The following LEP variants were observed in gnomAD, a reference collection of about 807,000 sequenced individuals.
LEP encodes leptin.
A neutral mutation model predicts 9.8 loss-of-function variants in LEP; 6 were observed. The ratio of observed to expected loss-of-function variants is 0.61; its 90% CI spans 0.34 to 1.21. LEP has a LOEUF of 1.21. Among genes scored for constraint, LEP ranks in the 50% most tolerant of loss-of-function variants. The pLI is 0.04. For synonymous variants in LEP, 112 were observed against 81.7 expected (o/e 1.37, Z -2.00); for missense variants, 134 against 198.1 (o/e 0.68, Z 1.94).
intron 1 of LEP, among the ~76,000 whole-genome samples, chr7:128,245,329 C>T (rs1396910995): frequency 6.6e-6 from 1 of 152,208 alleles, no homozygotes; most frequent in Non-Finnish European, 1.5e-5. Context: ...CCCCGGAGTC[C>T]CTCTTCCCCT....
At chr7:128,249,574 T>A (rs1562931275) in intron 1 of LEP, among the ~76,000 whole-genome samples, 1 of 152,224 alleles carries the variant, frequency 6.6e-6, no homozygotes, top group African/African-American at 2.4e-5. Context: ...TGGGAGACTC[T>A]GAGAAGTAAA....
chr7:128,254,309 A>G (rs1029385271), intron 2 of LEP, 95 bp from the exon 3 acceptor site: 15 of 1,535,628 alleles, frequency 9.8e-6, no homozygotes, highest in Non-Finnish European at 1.2e-5. Context: ...GGCAGCCCAG[A>G]GAATGACCCT....
At chr7:128,248,981 A>C (rs758030243) in intron 1 of LEP, among the ~76,000 whole-genome samples, 2 of 152,220 alleles carry the variant, frequency 1.3e-5, no homozygotes, top group African/African-American at 2.4e-5. Flanking sequence ...TGTGGTTTTT[A>C]AGAGTAATGG....
At chr7:128,254,316 C>T (rs1396289002) in intron 2 of LEP, 88 bp from the exon 3 acceptor site, 8 of 1,557,570 alleles carry the variant, frequency 5.1e-6, no homozygotes, top group Admixed American at 1.7e-5. Context: ...CAGAGAATGA[C>T]CCTCCATGCC....
chr7:128,253,135 T>C (rs1429083480), intron 2 of LEP, among the ~76,000 whole-genome samples: 1 of 152,164 alleles, frequency 6.6e-6, no homozygotes, highest in Non-Finnish European at 1.5e-5. Flanking sequence ...AAGTTCCTTG[T>C]GTCCCATTGG....
Position 128,253,917 on chromosome 7 carries a change from G to C in LEP, c.145-487G>C, listed in dbSNP as rs549387574. 4.3e-3 allele frequency among the ~76,000 whole-genome samples: 651 copies of C among 152,252 alleles called. 3 individuals are homozygous for C. The highest frequency in any genetic ancestry group is 6.6e-3 in the Admixed American group (101 of 15,286). On this transcript the variant is annotated intron_variant, in intron 2 of 2. Coordinates refer to ENST00000308868, the MANE Select transcript of LEP (RefSeq NM_000230.3). ...GGATGGGGAGAGCCTCCCGGAACTG[G>C]AGTCACTGGAGCAGGGTTGGGGGGC...
At chr7:128,250,740 AC>A (rs1003618886) in intron 1 of LEP, among the ~76,000 whole-genome samples, 1 of 152,120 alleles carries the variant, frequency 6.6e-6, no homozygotes, top group African/African-American at 2.4e-5. Context: ...CTTCATCAAG[AC>A]CCAGACGAGG....
At chr7:128,252,790 C>T (rs1795291143) in intron 2 of LEP, among the ~76,000 whole-genome samples, 1 of 151,918 alleles carries the variant, frequency 6.6e-6, no homozygotes, top group African/African-American at 2.4e-5. Context: ...TGGGTCACAT[C>T]TGTAAGCCCA....
intron 1 of LEP, among the ~76,000 whole-genome samples, chr7:128,250,798 G>A (rs576773371): frequency 4.6e-5 from 7 of 152,216 alleles, no homozygotes; most frequent in Admixed American, 2.6e-4. Flanking sequence ...CTCCAGAACC[G>A]TCATCCTAAT....
In LEP at chr7:128,254,674, G is replaced by C. The variant is rs1392712935; in HGVS notation, c.415G>C (p.Gly139Arg). The stretch of plus-strand genomic sequence containing the variant: ...CCTGGGGGGTGTCCTGGAAGCTTCA[G>C]GCTACTCCACAGAGGTGGTGGCCCT... ...DSLGGVLEAS[G>R]YSTEVVALSR... Residue 139 changes from glycine to arginine, a missense_variant, in exon 3 of 3, where the codon GGC (glycine) becomes CGC (arginine). Transcript: ENST00000308868. The C allele has an allele frequency of 6.2e-7, 1 of 1,613,958 alleles. No homozygotes were observed. The highest frequency in any genetic ancestry group is 2.2e-5 in the East Asian group (1 of 44,868).
In LEP at chr7:128,254,814, T is replaced by G. The variant is rs750557041; in HGVS notation, c.*51T>G. On this transcript the variant is annotated 3_prime_UTR_variant, in exon 3 of 3. Transcript: ENST00000308868. The stretch of plus-strand genomic sequence containing the variant: ...AGGACTACGTTAAGGGAAGGAACTC[T>G]GGCTTCCAGGTATCTCCAGGATTGA... 2 of 1,592,812 alleles carry G rather than the reference T, an allele frequency of 1.3e-6. No individual in the cohort carries two copies. The highest frequency in any genetic ancestry group is 3.3e-5 in the Admixed American group (2 of 59,806).
In LEP at chr7:128,255,165, T is replaced by G; in HGVS notation, c.*402T>G. 2 of 221,336 alleles carry G rather than the reference T, an allele frequency of 9.0e-6. No individual in the cohort carries two copies. Among genetic ancestry groups the G allele is most frequent in the Non-Finnish European group, 1.8e-5 (2 of 108,602 alleles). The allele number at this position is 221,336 out of a possible 1,614,324, so 13.7% of individuals were successfully genotyped here. On this transcript the variant is annotated 3_prime_UTR_variant, in exon 3 of 3. Coordinates refer to ENST00000308868, the MANE Select transcript of LEP (RefSeq NM_000230.3). ...GAGCCTTTGGATGACCAGAACAAGG[T>G]TCCCTCTGAGAATTCCAAGGAGTTC...
intron 1 of LEP, among the ~76,000 whole-genome samples, chr7:128,244,435 T>G (rs2116206195): frequency 6.6e-6 from 1 of 152,306 alleles, no homozygotes; most frequent in East Asian, 1.9e-4. Flanking sequence ...TGGTTGCAAA[T>G]AAGAGAAAAT....
chr7:128,246,079 T>A (rs933441034), intron 1 of LEP, among the ~76,000 whole-genome samples: 12 of 149,522 alleles, frequency 8.0e-5, no homozygotes, highest in African/African-American at 2.5e-4. Flanking sequence ...AAAAAAAAAA[T>A]AAAAAAATAA....
intron 1 of LEP, among the ~76,000 whole-genome samples, chr7:128,242,642 C>T (rs575152757): frequency 6.6e-6 from 1 of 152,320 alleles, no homozygotes; most frequent in African/African-American, 2.4e-5. Flanking sequence ...GGAGCGTCCT[C>T]CTCATATTTT....
rs200931015 is a variant in LEP at position 128,255,752 on chromosome 7, G to C, written c.*989G>C. 6.6e-6 allele frequency: 1 copy of C among 152,166 alleles called. No homozygotes were observed. The highest frequency in any genetic ancestry group is 6.5e-5 in the Admixed American group (1 of 15,278). The allele number at this position is 152,166 out of a possible 1,614,324, so 9.4% of individuals were successfully genotyped here. ...TCATGAAAATAGCTCTTTCAGGGGG[G>C]TTGTGAGGCCTGGCCAGGCACCCCC... On this transcript the variant is annotated 3_prime_UTR_variant, in exon 3 of 3. Transcript: ENST00000308868.
At chr7:128,253,273 G>A (rs1466495338) in intron 2 of LEP, among the ~76,000 whole-genome samples, 3 of 152,162 alleles carry the variant, frequency 2.0e-5, no homozygotes, top group Admixed American at 1.3e-4. Context: ...AAAAGAGCGA[G>A]TCTACCCTTT....
rs201147488 is a variant in LEP, at chr7:128,256,018, T to C, written c.*1255T>C. On this transcript the variant is annotated 3_prime_UTR_variant, in exon 3 of 3. Transcript: ENST00000308868. ...TGTGACCCTCTGAATGGTCCAGGGTTGATCACACTCTGGGTTTATTACATG... is the reference window on the plus strand; with the variant it reads ...TGTGACCCTCTGAATGGTCCAGGGTCGATCACACTCTGGGTTTATTACATG... 30 of 152,358 alleles carry C rather than the reference T, an allele frequency of 2.0e-4. No homozygotes were observed. Among genetic ancestry groups the C allele is most frequent in the African/African-American group, 6.0e-4 (25 of 41,588 alleles). The allele number at this position is 152,358 out of a possible 1,614,324, so 9.4% of individuals were successfully genotyped here.
Position 128,254,688 on chromosome 7 carries a change from G to A in LEP, c.429G>A (p.Glu143=), listed in dbSNP as rs1213817089. 9 of 1,613,892 alleles carry A rather than the reference G, an allele frequency of 5.6e-6. No individual in the cohort carries two copies. The highest frequency in any genetic ancestry group is 2.2e-5 in the East Asian group (1 of 44,872). ...TGGAAGCTTCAGGCTACTCCACAGA[G>A]GTGGTGGCCCTGAGCAGGCTGCAGG... ...GVLEASGYST[E]VVALSRLQGS... is the part of the protein sequence containing the mutation. Residue 143 remains glutamate (E), a synonymous_variant, in exon 3 of 3, where the codon GAG becomes GAA. Transcript: ENST00000308868.
Sources: gnomAD v4.1 joint callset for allele counts (sites outside exome capture counted in the v4.1 genomes callset) on GRCh38, gnomAD v4.1.1 for gene constraint, MANE v1.5 for transcripts, NCBI Gene and HGNC (gene_info 2026-07-23, HGNC 2026-07-21) for gene names.